SLC12A1: variants seen among roughly 807,000 people sequenced by gnomAD.
SLC12A1 encodes Na-K-2Cl cotransporter.
SLC12A1 carries 89 observed loss-of-function variants against 130.4 expected under a neutral mutation model. The ratio of observed to expected loss-of-function variants is 0.68; its 90% CI spans 0.58 to 0.81. SLC12A1 has a LOEUF of 0.81. Among genes scored for constraint, SLC12A1 ranks in the 40% least tolerant of loss-of-function variants. The pLI, the probability that SLC12A1 is intolerant of heterozygous loss-of-function variation, is 0.00. For synonymous variants in SLC12A1, 499 were observed against 460.0 expected, an observed-to-expected ratio of 1.08 and a Z score of -1.09; for missense variants, 1,310 against 1,336.4, an observed-to-expected ratio of 0.98 and a Z score of 0.31.
At chr15:48,223,551 G>GA (rs951816710) in intron 4 of SLC12A1, 1 of 152,156 alleles carries the variant, frequency 6.6e-6, no homozygotes. Context: ...AAGAATTGTT[G>GA]AAAAAACTAG....
intron 4 of SLC12A1, among the ~76,000 whole-genome samples, chr15:48,221,788 G>A (rs1284808962): frequency 6.6e-6 from 1 of 152,036 alleles, no homozygotes; most frequent in Non-Finnish European, 1.5e-5. Flanking sequence ...CCATATATGG[G>A]AAATACATTA....
At chr15:48,239,132 C>G (rs1452250111) in intron 9 of SLC12A1, among the ~76,000 whole-genome samples, 2 of 152,180 alleles carry the variant, frequency 1.3e-5, no homozygotes, top group East Asian at 3.8e-4. Flanking sequence ...CTCCTGAACC[C>G]TTTCTAAGAG....
chr15:48,227,728 T>C (rs182542039), intron 5 of SLC12A1: 2 of 153,812 alleles, frequency 1.3e-5, no homozygotes, highest in African/African-American at 4.8e-5. Context: ...AAATGTATTG[T>C]TGTTCTGTCT....
intron 17 of SLC12A1, among the ~76,000 whole-genome samples, chr15:48,262,454 A>C (rs928339654): frequency 5.3e-5 from 8 of 152,182 alleles, no homozygotes; most frequent in African/African-American, 1.9e-4. Flanking sequence ...TCATTATTTG[A>C]AATTAAGAGA....
In SLC12A1 at chr15:48,292,123, T is replaced by C. The variant is rs7174050; in HGVS notation, c.2960+259T>C. 4.9e-3 allele frequency among the ~76,000 whole-genome samples: 743 copies of C among 152,372 alleles called. 8 individuals are homozygous for C. The highest frequency in any genetic ancestry group is 0.044 in the Middle Eastern group (13 of 294). ...GTTAGTATTTTAGAATTGCCCTTCC[T>C]GTTCTTGTTTTCTATGGTGGCAAGA... On this transcript the variant is annotated intron_variant, in intron 24 of 26. Transcript: ENST00000380993.
At chr15:48,282,306 A>C (rs2042016155) in intron 20 of SLC12A1, among the ~76,000 whole-genome samples, 1 of 152,204 alleles carries the variant, frequency 6.6e-6, no homozygotes, top group African/African-American at 2.4e-5. Context: ...GCAATTTTGC[A>C]GCTTGCTCTG....
intron 10 of SLC12A1, among the ~76,000 whole-genome samples, chr15:48,243,602 C>T (rs1193437448): frequency 6.6e-6 from 1 of 152,176 alleles, no homozygotes; most frequent in African/African-American, 2.4e-5. Context: ...TTGCAGTGAG[C>T]CAAGATCGTG....
At chr15:48,247,580 G>T in intron 13 of SLC12A1, 120 bp downstream of exon 13, 1 of 756,722 alleles carries the variant, frequency 1.3e-6, no homozygotes, top group Non-Finnish European at 2.1e-6. Context: ...TGGGAATATT[G>T]GCATCTAAGA....
At chr15:48,291,693 T>C (rs992971523) in intron 23 of SLC12A1, 85 bp from the exon 24 acceptor site, 1 of 821,818 alleles carries the variant, frequency 1.2e-6, no homozygotes, top group African/African-American at 1.7e-5. Context: ...GTGATTGCTT[T>C]TGATATCTTA....
chr15:48,286,553 C>T (rs997293338), intron 21 of SLC12A1, among the ~76,000 whole-genome samples: 5 of 152,134 alleles, frequency 3.3e-5, no homozygotes, highest in Admixed American at 2.0e-4. Context: ...AAAGTCATAG[C>T]CCAATAATGT....
At chr15:48,280,743 G>A (rs1023853828) in intron 20 of SLC12A1, among the ~76,000 whole-genome samples, 1 of 151,858 alleles carries the variant, frequency 6.6e-6, no homozygotes, top group Non-Finnish European at 1.5e-5. Flanking sequence ...TTATCTCACT[G>A]GTCCCACCTT....
Position 48,288,129 on chromosome 15 carries a change from CAAG to C in SLC12A1, c.2719_2721del (p.Glu907del). 6.2e-7 allele frequency: 1 copy of C among 1,610,178 alleles called. No individual in the cohort carries two copies. Among genetic ancestry groups the C allele is most frequent in the Non-Finnish European group, 8.5e-7 (1 of 1,178,218 alleles). ...AGCCAGCACTCAATTTAAAAAGAAA[CAAG>C]AAAAAGGCACAATTGATGTTTGGTG... On this transcript the variant is annotated inframe_deletion, in exon 22 of 27. Coordinates refer to ENST00000380993, the MANE Select transcript of SLC12A1 (RefSeq NM_000338.3).
intron 2 of SLC12A1, among the ~76,000 whole-genome samples, chr15:48,215,537 G>A (rs1333598454): frequency 6.6e-6 from 1 of 152,156 alleles, no homozygotes; most frequent in East Asian, 1.9e-4. Context: ...GTTTCAGGCA[G>A]TAATCATAAA....
intron 2 of SLC12A1, among the ~76,000 whole-genome samples, chr15:48,217,059 A>C (rs1013281776): frequency 6.6e-6 from 1 of 152,190 alleles, no homozygotes; most frequent in Non-Finnish European, 1.5e-5. Flanking sequence ...AGTATTAAAA[A>C]CAGAATGTAA....
chr15:48,274,972 G>C lies in SLC12A1; in HGVS notation c.2485+319G>C, dbSNP rs537109404. On this transcript the variant is annotated intron_variant, in intron 20 of 26. Transcript: ENST00000380993. ...TAACCTGCCAAATTAATTTCTGCAAGATGTCTCAGAAAATGAAGATTAATT... is the reference window on the plus strand; with the variant it reads ...TAACCTGCCAAATTAATTTCTGCAACATGTCTCAGAAAATGAAGATTAATT... Among the ~76,000 whole-genome samples, 8 of 152,290 alleles carry C rather than the reference G, an allele frequency of 5.3e-5. No individual in the cohort carries two copies. In the South Asian group the frequency reaches 1.5e-3, roughly 28 times the overall value.
intron 25 of SLC12A1, among the ~76,000 whole-genome samples, chr15:48,300,757 A>T (rs1335586032): frequency 6.6e-6 from 1 of 152,188 alleles, no homozygotes; most frequent in African/African-American, 2.4e-5. Flanking sequence ...CAAAGTGGTT[A>T]TTTTTCCAAG....
In SLC12A1 at chr15:48,250,695, C is replaced by CACACACACACACACACACAT. The variant is rs1377783398; in HGVS notation, c.1787-908_1787-907insACACACATACACACACACAC. The stretch of plus-strand genomic sequence containing the variant: ...TCTGCCTCACACACACACACACACA[C>CACACACACACACACACACAT]ACACACACACACGGACGGGAAGCCA... On this transcript the variant is annotated intron_variant, in intron 14 of 26. Transcript: ENST00000380993. 1.2e-4 allele frequency among the ~76,000 whole-genome samples: 18 copies of CACACACACACACACACACAT among 151,984 alleles called. 1 individual carries two copies. Among genetic ancestry groups the CACACACACACACACACACAT allele is most frequent in the Admixed American group, 7.2e-4 (11 of 15,250 alleles).
In SLC12A1 at chr15:48,207,791, T is replaced by C. The variant is rs1386489934; in HGVS notation, c.72T>C (p.Ser24=). The change falls in exon 2 of 27, where the codon AGT becomes AGC. Residue 24 remains serine (S), a synonymous_variant. Coordinates refer to ENST00000380993, the MANE Select transcript of SLC12A1 (RefSeq NM_000338.3). ...GTAATACCAATCGCTTTCAAGTTAG[T>C]GTCATAAATGAGAACCATGAGAGCA... ...VPSNTNRFQV[S]VINENHESSA... 5.0e-6 allele frequency: 8 copies of C among 1,613,432 alleles called. No individual in the cohort carries two copies. The highest frequency in any genetic ancestry group is 6.8e-6 in the Non-Finnish European group (8 of 1,179,732).
At chr15:48,249,154 C>T (rs553581762) in intron 13 of SLC12A1, among the ~76,000 whole-genome samples, 1 of 152,224 alleles carries the variant, frequency 6.6e-6, no homozygotes, top group East Asian at 1.9e-4. Context: ...CATATTGGGC[C>T]TATGCAGGGA....
Sources: gnomAD v4.1 joint callset for allele counts (sites outside exome capture counted in the v4.1 genomes callset) on GRCh38, gnomAD v4.1.1 for gene constraint, MANE v1.5 for transcripts, NCBI Gene and HGNC (gene_info 2026-07-23, HGNC 2026-07-21) for gene names.